The following SARDH variants were observed in gnomAD, a reference collection of about 807,000 sequenced individuals.
SARDH encodes sarcosine dehydrogenase, mitochondrial.
In SARDH, 95 loss-of-function variants were observed where a neutral mutation model predicts 109.1. That is an observed-to-expected ratio of 0.87 (90% CI 0.74 to 1.03). The LOEUF (loss-of-function observed/expected upper bound fraction) is 1.03, where lower values mean the gene tolerates loss of function less well. Among genes scored for constraint, SARDH ranks in the 50% least tolerant of loss-of-function variants. SARDH has a pLI of 0.00. For missense variants in SARDH, 1,267 were observed against 1,287.8 expected, an observed-to-expected ratio of 0.98 and a Z score of 0.25; for synonymous variants, 572 against 534.8, an observed-to-expected ratio of 1.07 and a Z score of -0.96.
intron 19 of SARDH, among the ~76,000 whole-genome samples, chr9:133,669,762 G>A (rs537778178): frequency 2.8e-4 from 42 of 152,264 alleles, no homozygotes; most frequent in Non-Finnish European, 5.1e-4. Flanking sequence ...TGGGGATGAC[G>A]GCCCCAGCCG....
At chr9:133,690,764 C>T (rs537039703) in intron 15 of SARDH, among the ~76,000 whole-genome samples, 29 of 152,280 alleles carry the variant, frequency 1.9e-4, no homozygotes, top group African/African-American at 7.0e-4. Flanking sequence ...CCCTACCACC[C>T]ACCCCTCTGC....
intron 4 of SARDH, among the ~76,000 whole-genome samples, chr9:133,730,935 C>T (rs1018310061): frequency 9.9e-5 from 15 of 152,186 alleles, no homozygotes; most frequent in African/African-American, 3.1e-4. Context: ...AGTGATCATG[C>T]CACTGCACTA....
At chr9:133,670,144 C>T (rs1345913797) in intron 19 of SARDH, among the ~76,000 whole-genome samples, 1 of 152,120 alleles carries the variant, frequency 6.6e-6, no homozygotes, top group Non-Finnish European at 1.5e-5. Context: ...GCCTGGCCAA[C>T]ATGGTGAAAC....
intron 19 of SARDH, among the ~76,000 whole-genome samples, chr9:133,669,032 A>T (rs111207654): frequency 0.063 from 72 of 1,134 alleles, 1 homozygote; most frequent in African/African-American, 0.094. Context: ...CCTCTCCCTC[A>T]CCTTCCCTCT....
At chr9:133,705,884 C>T (rs1053651079) in intron 11 of SARDH, among the ~76,000 whole-genome samples, 15 of 152,162 alleles carry the variant, frequency 9.9e-5, no homozygotes, top group Admixed American at 5.2e-4. Flanking sequence ...GAGGAAGCGA[C>T]GCCAGGGCCC....
chr9:133,667,670 G>C (rs1830122056), intron 19 of SARDH, among the ~76,000 whole-genome samples: 1 of 152,114 alleles, frequency 6.6e-6, no homozygotes, highest in Non-Finnish European at 1.5e-5. Context: ...CTGTGCAATG[G>C]GTTATCACGG....
At chr9:133,719,478 G>C (rs189049579) in intron 6 of SARDH, among the ~76,000 whole-genome samples, 33 of 152,266 alleles carry the variant, frequency 2.2e-4, no homozygotes, top group Non-Finnish European at 4.3e-4. Flanking sequence ...AGCAAGGCAA[G>C]CCAGTGTGCC....
rs146110843 is a variant in SARDH, at chr9:133,699,635, T to C, written c.1669-3274A>G. Among the ~76,000 whole-genome samples, 49 of 152,310 alleles carry C rather than the reference T, an allele frequency of 3.2e-4. No homozygotes were observed. The East Asian group carries it at 3.7e-3, about 11-fold the overall frequency. ...CCCATGAAAATGTGCTCAACATCAT[T>C]AGTTGTTCCAGGAATGCAAATCAAA... On this transcript the variant is annotated intron_variant, in intron 13 of 20. Coordinates refer to ENST00000439388, the MANE Select transcript of SARDH (RefSeq NM_001134707.2).
In SARDH at chr9:133,690,235, T is replaced by C. The variant is rs150712297; in HGVS notation, c.2069+145A>G. ...CATTCCAGTGCTTTGAAGATATTTA[T>C]TCAGAATGGCATCTCTGGTTTACCA... is the stretch of plus-strand genomic sequence containing the variant. On this transcript the variant is annotated intron_variant, in intron 16 of 20. Transcript: ENST00000439388. The C allele has an allele frequency of 2.0e-4, 174 of 856,474 alleles. No individual in the cohort carries two copies. The African/African-American group carries it at 2.8e-3, about 14-fold the overall frequency. The allele number at this position is 856,474 out of a possible 1,614,324, so 53.1% of individuals were successfully genotyped here. A position where few individuals can be genotyped will look rare whatever the true frequency, so the allele number is the denominator to read the frequency against.
intron 13 of SARDH, among the ~76,000 whole-genome samples, chr9:133,700,079 C>A (rs1271720538): frequency 1.3e-5 from 2 of 152,180 alleles, no homozygotes; most frequent in African/African-American, 4.8e-5. Context: ...GTAATCCCAG[C>A]ACTTTGGGAG....
chr9:133,660,353 G>A (rs751396712), downstream of SARDH, among the ~76,000 whole-genome samples: 7 of 152,146 alleles, frequency 4.6e-5, no homozygotes, highest in East Asian at 5.8e-4. Context: ...CGGGGAGCTC[G>A]AAGTGTCCCC....
intron 17 of SARDH, among the ~76,000 whole-genome samples, chr9:133,675,393 A>C (rs1830482172): frequency 1.3e-5 from 2 of 152,136 alleles, no homozygotes; most frequent in South Asian, 4.2e-4. Context: ...GACAATTCTC[A>C]AAAGCAAATG....
In SARDH at chr9:133,696,259, C is replaced by T; in HGVS notation, c.1771G>A (p.Asp591Asn). Residue 591 changes from aspartate (D) to asparagine (N), a missense_variant, in exon 14 of 21, where the codon GAC becomes AAC. Asp to Asn is a conservative substitution (Grantham distance 23). Coordinates refer to ENST00000439388, the MANE Select transcript of SARDH (RefSeq NM_001134707.2). ...LVGLDARKAADWLFSADVSRP... is the reference protein window; with the variant it reads ...LVGLDARKAANWLFSADVSRP... Reference sequence around the variant, plus strand: ...CTGACATCTGCGGAGAAGAGCCAGTCGGCAGCCTTCCTTGCATCCAGCCCC... The same window carrying T: ...CTGACATCTGCGGAGAAGAGCCAGTTGGCAGCCTTCCTTGCATCCAGCCCC... 1 of 1,614,124 alleles carries T rather than the reference C, an allele frequency of 6.2e-7. No individual in the cohort carries two copies. Among genetic ancestry groups the T allele is most frequent in the Non-Finnish European group, 8.5e-7 (1 of 1,180,024 alleles).
chr9:133,670,843 T>C, intron 18 of SARDH, 91 bp from the exon 19 acceptor site: 1 of 1,421,498 alleles, frequency 7.0e-7, no homozygotes, highest in East Asian at 2.6e-5. Flanking sequence ...ACCCACCCCC[T>C]CCAGCCCCTA....
intron 17 of SARDH, among the ~76,000 whole-genome samples, chr9:133,672,919 G>A (rs1411027310): frequency 6.6e-6 from 1 of 152,232 alleles, no homozygotes. Flanking sequence ...GACTGTGAAA[G>A]ACACGATGGC....
rs767367261 is a variant in SARDH at position 133,693,624 on chromosome 9, G to A, written c.1921+634C>T. Among the ~76,000 whole-genome samples, 3 of 152,216 alleles carry A rather than the reference G, an allele frequency of 2.0e-5. No homozygotes were observed. The highest frequency in any genetic ancestry group is 4.4e-5 in the Non-Finnish European group (3 of 68,040). On this transcript the variant is annotated intron_variant, in intron 15 of 20. Coordinates refer to ENST00000439388, the MANE Select transcript of SARDH (RefSeq NM_001134707.2). The surrounding 1 kb of genome is among the most constrained non-coding windows in gnomAD (Gnocchi z 5.6). ...CCCTGGTGGGGATGGGTTACAGGAC[G>A]AGAGATCAGATGGCTCCTGTGTGAA...
chr9:133,717,354 T>C lies in SARDH; in HGVS notation c.1122A>G (p.Thr374=). 1 of 1,614,116 alleles carries C rather than the reference T, an allele frequency of 6.2e-7. No individual in the cohort carries two copies. Among genetic ancestry groups the C allele is most frequent in the Non-Finnish European group, 8.5e-7 (1 of 1,179,986 alleles). ...GGCCGCAGACCGTGGACTTGATTCCTGTCTTCTCCAGCACGGGGACCCTGT... is the reference window on the plus strand; with the variant it reads ...GGCCGCAGACCGTGGACTTGATTCCCGTCTTCTCCAGCACGGGGACCCTGT... ...AINRVPVLEK[T]GIKSTVCGPE... The change falls in exon 8 of 21, where the codon ACA becomes ACG. Residue 374 remains threonine, a synonymous_variant. Transcript: ENST00000439388.
intron 15 of SARDH, among the ~76,000 whole-genome samples, chr9:133,691,411 G>A (rs1165507948): frequency 2.0e-5 from 3 of 152,196 alleles, no homozygotes; most frequent in Non-Finnish European, 4.4e-5. Context: ...GAGGCCAGAG[G>A]TCAGTCAGCC....
intron 17 of SARDH, among the ~76,000 whole-genome samples, chr9:133,678,932 C>A (rs1830605017): frequency 6.6e-6 from 1 of 152,200 alleles, no homozygotes; most frequent in African/African-American, 2.4e-5. Flanking sequence ...TCTTTCCTTA[C>A]AAGGGCAAGA....
Sources: gnomAD v4.1 joint callset for allele counts (sites outside exome capture counted in the v4.1 genomes callset) on GRCh38, gnomAD v4.1.1 for gene constraint, Gnocchi (gnomAD v3.1) non-coding constraint, MANE v1.5 for transcripts, NCBI Gene and HGNC (gene_info 2026-07-23, HGNC 2026-07-21) for gene names.